The following UNC13B variants were observed in gnomAD, a reference collection of about 807,000 sequenced individuals.
UNC13B encodes unc-13 homolog B.
Under a neutral mutation model 211.0 loss-of-function variants are expected in UNC13B, and 144 were observed. The observed-to-expected ratio is 0.68, with a 90% confidence interval of 0.60 to 0.78. The LOEUF (loss-of-function observed/expected upper bound fraction) is 0.78. UNC13B is among the 30% of genes least tolerant of loss of function. The pLI is 0.00. For synonymous variants in UNC13B, 709 were observed against 725.8 expected (o/e 0.98, Z 0.37); for missense variants, 1,777 against 2,002.0 (o/e 0.89, Z 2.14).
chr9:35,178,516 A>G (rs1821760876), intron 1 of UNC13B, among the ~76,000 whole-genome samples: 1 of 151,858 alleles, frequency 6.6e-6, no homozygotes, highest in Non-Finnish European at 1.5e-5. Context: ...AGAACAAACA[A>G]AAAAACACAT....
chr9:35,253,920 T>A (rs1826662735), intron 6 of UNC13B, among the ~76,000 whole-genome samples: 2 of 152,214 alleles, frequency 1.3e-5, no homozygotes, highest in Non-Finnish European at 2.9e-5. Context: ...ACATTTACCC[T>A]TTTCCTGTTT....
chr9:35,398,148 C>T lies in UNC13B; in HGVS notation c.11755-63C>T, dbSNP rs187061176. 8.4e-4 allele frequency: 1,265 copies of T among 1,504,836 alleles called. 28 individuals are homozygous for T. In the Admixed American group the frequency reaches 0.02, roughly 23 times the overall value. The allele number at this position is 1,504,836 out of a possible 1,614,324, so 93.2% of individuals were successfully genotyped here. On this transcript the variant is annotated intron_variant, in intron 30 of 39. Coordinates refer to ENST00000635942, the MANE Select transcript of UNC13B (RefSeq NM_001371189.2). ...TGGCTTTTGTGAGAGAGGGAGGGAA[C>T]CTAGGCTAATGGGTCCTATGCTGAA...
intron 7 of UNC13B, among the ~76,000 whole-genome samples, chr9:35,273,637 A>G (rs561909961): frequency 1.2e-4 from 18 of 152,292 alleles, no homozygotes; most frequent in African/African-American, 4.3e-4. Context: ...GTAACTAGGT[A>G]TTCCCCACTT....
chr9:35,208,343 A>G (rs761957662), intron 1 of UNC13B, among the ~76,000 whole-genome samples: 5 of 152,184 alleles, frequency 3.3e-5, no homozygotes, highest in Non-Finnish European at 5.9e-5. Context: ...TCATATAATA[A>G]AATGCAATTA....
intron 24 of UNC13B, among the ~76,000 whole-genome samples, chr9:35,389,567 A>G (rs1029327325): frequency 6.6e-6 from 1 of 152,164 alleles, no homozygotes; most frequent in African/African-American, 2.4e-5. Context: ...ATAGCAACTG[A>G]GAGAAGGAAG....
chr9:35,351,362 C>A, intron 11 of UNC13B: 1 of 1,226,744 alleles, frequency 8.2e-7, no homozygotes, highest in Non-Finnish European at 1.0e-6. Flanking sequence ...GGGGCCATTC[C>A]AGGCAGCACT....
At chr9:35,279,265 C>T (rs1006381664) in intron 7 of UNC13B, among the ~76,000 whole-genome samples, 16 of 152,070 alleles carry the variant, frequency 1.1e-4, no homozygotes, top group African/African-American at 2.2e-4. Flanking sequence ...TACCCATTCT[C>T]GATATTTCAC....
intron 11 of UNC13B, among the ~76,000 whole-genome samples, chr9:35,359,828 T>C (rs765014389): frequency 2.0e-5 from 3 of 152,214 alleles, no homozygotes; most frequent in Admixed American, 6.5e-5. Context: ...CTGCTCTCCC[T>C]GCTTCTAGAA....
At chr9:35,402,079 C>T (rs903654378) in intron 37 of UNC13B, 9 of 1,430,690 alleles carry the variant, frequency 6.3e-6, no homozygotes, top group East Asian at 5.0e-5. Context: ...GAATGAGCAA[C>T]TCGTGCTGGG....
At chr9:35,193,803 T>G (rs1000958120) in intron 1 of UNC13B, among the ~76,000 whole-genome samples, 3 of 152,182 alleles carry the variant, frequency 2.0e-5, no homozygotes, top group African/African-American at 7.2e-5. Context: ...AGAAGCAGCA[T>G]GAAGCCTGGT....
At chr9:35,372,459 A>T (rs1239409356) in intron 13 of UNC13B, among the ~76,000 whole-genome samples, 1 of 152,080 alleles carries the variant, frequency 6.6e-6, no homozygotes, top group Admixed American at 6.6e-5. Context: ...CCTGTGCAAG[A>T]GTGTGGCTAG....
chr9:35,349,516 G>T (rs1004964562), intron 11 of UNC13B, among the ~76,000 whole-genome samples: 1 of 152,104 alleles, frequency 6.6e-6, no homozygotes, highest in Non-Finnish European at 1.5e-5. Context: ...GTGCATCCTC[G>T]CAGGCTAGAC....
chr9:35,367,123 G>A, intron 12 of UNC13B, 130 bp downstream of exon 12: 2 of 897,152 alleles, frequency 2.2e-6, no homozygotes, highest in Admixed American at 2.1e-5. Context: ...TTCCACTATA[G>A]GTTGGTTGGT....
At chr9:35,277,114 C>A (rs1288088448) in intron 7 of UNC13B, among the ~76,000 whole-genome samples, 1 of 151,980 alleles carries the variant, frequency 6.6e-6, no homozygotes. Context: ...ATGTTAGGTA[C>A]TCAGGGAGTG....
chr9:35,396,803 G>A (rs745380298), intron 27 of UNC13B, 38 bp from the exon 28 acceptor site: 33 of 1,612,674 alleles, frequency 2.0e-5, no homozygotes, highest in Non-Finnish European at 2.5e-5. Flanking sequence ...TATTCCCACC[G>A]CTAGTTCTAA....
At chr9:35,255,344 C>T (rs1036833375) in intron 6 of UNC13B, among the ~76,000 whole-genome samples, 3 of 148,140 alleles carry the variant, frequency 2.0e-5, no homozygotes, top group Non-Finnish European at 4.4e-5. Flanking sequence ...TTATTATTAA[C>T]ATCTTACATT....
At chr9:35,322,097 T>G (rs904724213) in intron 11 of UNC13B, among the ~76,000 whole-genome samples, 3 of 152,248 alleles carry the variant, frequency 2.0e-5, no homozygotes, top group Admixed American at 6.5e-5. Flanking sequence ...ACTTATGCTA[T>G]TCCTATAAGA....
intron 26 of UNC13B, among the ~76,000 whole-genome samples, chr9:35,395,811 A>T (rs938971022): frequency 1.4e-4 from 21 of 152,102 alleles, no homozygotes; most frequent in Non-Finnish European, 2.9e-4. Flanking sequence ...GCAGCATGAT[A>T]TGTCCTTTCA....
intron 3 of UNC13B, among the ~76,000 whole-genome samples, chr9:35,235,723 A>G (rs1338957644): frequency 6.6e-6 from 1 of 152,220 alleles, no homozygotes; most frequent in Non-Finnish European, 1.5e-5. Flanking sequence ...TTGAGCCACC[A>G]TGCCCAGCCT....
Sources: allele counts gnomAD v4.1 joint callset (sites outside exome capture counted in the v4.1 genomes callset), GRCh38; gene constraint gnomAD v4.1.1; transcripts MANE v1.5; gene names NCBI Gene and HGNC (gene_info 2026-07-23, HGNC 2026-07-21).